CARS2: variants seen among roughly 807,000 people sequenced by gnomAD.
CARS2 encodes cysteinyl-tRNA synthetase 2, mitochondrial.
In CARS2, 52 loss-of-function variants were observed where a neutral mutation model predicts 68.8. That is an observed-to-expected ratio of 0.76 (90% CI 0.61 to 0.95). The LOEUF is 0.95. Ranked by LOEUF, CARS2 falls within the 40% of genes least tolerant of loss-of-function variation. The pLI is 0.00. For missense variants in CARS2, 780 were observed against 754.2 expected, an observed-to-expected ratio of 1.03 and a Z score of -0.40; for synonymous variants, 314 against 303.6, an observed-to-expected ratio of 1.03 and a Z score of -0.36.
Position 110,676,018 on chromosome 13 carries a change from G to A in CARS2, c.785+956C>T, listed in dbSNP as rs1310852097. On this transcript the variant is annotated intron_variant, in intron 7 of 14. Transcript: ENST00000257347. The surrounding 1 kb of genome is among the most constrained non-coding windows in gnomAD (Gnocchi z 4.0). Reference sequence around the variant, plus strand: ...TAAAAATACAAAATTAGCCGGGGTGGTGGCGCATGCCAGTAATCCCAGCTA... The same window carrying A: ...TAAAAATACAAAATTAGCCGGGGTGATGGCGCATGCCAGTAATCCCAGCTA... Among the ~76,000 whole-genome samples the A allele has an allele frequency of 6.6e-6, 1 of 152,272 alleles. No homozygotes were observed. Among genetic ancestry groups the A allele is most frequent in the South Asian group, 2.1e-4 (1 of 4,838 alleles).
At chr13:110,706,864 T>C (rs1294220287), upstream of CARS2, among the ~76,000 whole-genome samples, 1 of 145,004 alleles carries the variant, frequency 6.9e-6, no homozygotes, top group Non-Finnish European at 1.5e-5. Context: ...CAGCACACCA[T>C]CAGCATCCCA....
In CARS2 at chr13:110,687,739, C is replaced by T. The variant is rs775998657; in HGVS notation, c.553G>A (p.Ala185Thr). Residue 185 changes from alanine to threonine, a missense_variant, in exon 5 of 15, where the codon GCT becomes ACT. Transcript: ENST00000257347. ...FIEGIIARGN[A>T]YSTAKGNVYF... ...ACCCTACCTTTTGCCGTTGAATAAG[C>T]GTTCCCACGAGCAATGATTCCTTCA... 1.2e-5 allele frequency: 20 copies of T among 1,606,414 alleles called. No homozygotes were observed. Among genetic ancestry groups the T allele is most frequent in the Non-Finnish European group, 1.6e-5 (19 of 1,175,274 alleles).
At chr13:110,713,362 G>T (rs2064061181) in exon 1 of CARS2, 1 of 1,070,290 alleles carries the variant, frequency 9.3e-7, no homozygotes, top group Non-Finnish European at 1.1e-6. Context: ...TTTCAGCGAA[G>T]CAGGCCGCTC....
At chr13:110,699,022 GA>G (rs56029928) in intron 3 of CARS2, among the ~76,000 whole-genome samples, 119,327 of 149,522 alleles carry the variant, frequency 0.8, 47,789 homozygotes, top group East Asian at 0.89. Flanking sequence ...CAAAAAAAAA[GA>G]AAAAAAAACC....
rs775479641 is a variant in CARS2, at chr13:110,642,348, G to A, written c.1590C>T (p.Arg530=). ...QPLLEACDTL[R]RGLTAHGINI... ...TGATGCCGTGGGCAGTCAGGCCCCG[G>A]CGCAGGGTGTCGCATGCTTCCAGCA... Residue 530 remains arginine, a synonymous_variant, in exon 14 of 15, where the codon CGC becomes CGT. Coordinates refer to ENST00000257347, the MANE Select transcript of CARS2 (RefSeq NM_024537.4). The A allele has an allele frequency of 1.0e-5, 16 of 1,551,790 alleles. No homozygotes were observed. In the African/African-American group the frequency reaches 1.8e-4, roughly 17 times the overall value.
Position 110,642,412 on chromosome 13 carries a change from C to T in CARS2, c.1526G>A (p.Gly509Glu). The change falls in exon 14 of 15, where the codon GGG (glycine) becomes GAG (glutamate). Residue 509 changes from glycine (G) to glutamate (E), a missense_variant. Coordinates refer to ENST00000257347, the MANE Select transcript of CARS2 (RefSeq NM_024537.4). ...QFALAMPEAT[G>E]DARRQQLLER... ...TAGGAGCTGCTGCCGCCGGGCGTCC[C>T]CCGTGGCCTCGGGCATGGCCAGCGC... 1 of 1,591,450 alleles carries T rather than the reference C, an allele frequency of 6.3e-7. No homozygotes were observed. The highest frequency in any genetic ancestry group is 8.6e-7 in the Non-Finnish European group (1 of 1,169,126).
At chr13:110,655,069 TAA>T (rs1199881113) in intron 9 of CARS2, among the ~76,000 whole-genome samples, 2 of 152,096 alleles carry the variant, frequency 1.3e-5, no homozygotes, top group Non-Finnish European at 2.9e-5. Context: ...CACTCGTTGA[TAA>T]AGTCACCAGG....
chr13:110,689,953 G>A (rs1352662923), intron 3 of CARS2, among the ~76,000 whole-genome samples: 1 of 152,238 alleles, frequency 6.6e-6, no homozygotes, highest in Non-Finnish European at 1.5e-5. Context: ...GGGTGGCCGG[G>A]CGCGGTGGCT....
At chr13:110,707,646 GAA>G (rs34177176), upstream of CARS2, 114 of 145,758 alleles carry the variant, frequency 7.8e-4, 1 homozygote, top group Non-Finnish European at 6.5e-4. Flanking sequence ...GACTCCGCCT[GAA>G]AAAAAAAAAA....
intron 12 of CARS2, chr13:110,645,367 G>C (rs974914953): frequency 6.6e-6 from 1 of 152,384 alleles, no homozygotes; most frequent in African/African-American, 2.4e-5. Flanking sequence ...TGTTTCCAGA[G>C]GTGGGAGAGG....
intron 3 of CARS2, among the ~76,000 whole-genome samples, chr13:110,691,493 C>T (rs1032050794): frequency 6.6e-6 from 1 of 152,140 alleles, no homozygotes; most frequent in Non-Finnish European, 1.5e-5. Context: ...TGGAAACAAA[C>T]TTACAAAGCC....
At chr13:110,699,930 C>A (rs1346322525) in intron 3 of CARS2, among the ~76,000 whole-genome samples, 1 of 152,244 alleles carries the variant, frequency 6.6e-6, no homozygotes, top group Admixed American at 6.5e-5. Flanking sequence ...AGGCACCACA[C>A]TCCAGGTGTG....
At chr13:110,644,530 G>A in intron 12 of CARS2, 47 bp from the exon 13 acceptor site, 1 of 1,607,270 alleles carries the variant, frequency 6.2e-7, no homozygotes, top group African/African-American at 1.3e-5. Context: ...AGTCTTGATG[G>A]CAGTGGGCAA....
intron 12 of CARS2, chr13:110,645,685 T>G: frequency 7.0e-5 from 25 of 359,418 alleles, no homozygotes; most frequent in East Asian, 1.5e-4. Flanking sequence ...AGTGGGGACA[T>G]GAGATGTGTC....
At chr13:110,712,980 AG>A (rs772352303) in intron 1 of CARS2, 23 of 1,555,964 alleles carry the variant, frequency 1.5e-5, no homozygotes, top group Non-Finnish European at 2.0e-5. Flanking sequence ...CGGAATGGGT[AG>A]GTCTCCCGCG....
rs780988999 is a variant in CARS2, at chr13:110,651,031, C to T, written c.1054+3G>A. The T allele has an allele frequency of 3.1e-6, 5 of 1,611,170 alleles. No homozygotes were observed. The highest frequency in any genetic ancestry group is 2.2e-5 in the East Asian group (1 of 44,858). On this transcript the variant is annotated splice_donor_region_variant and intron_variant, in intron 10 of 14. Coordinates refer to ENST00000257347, the MANE Select transcript of CARS2 (RefSeq NM_024537.4). ...GAGTCCACTCCACGTGTGCTCGGCT[C>T]ACCTGAGCGGTAGCTGCTCCGCAGG...
chr13:110,667,597 A>G, intron 7 of CARS2, 124 bp from the exon 8 acceptor site: 1 of 776,252 alleles, frequency 1.3e-6, no homozygotes, highest in Non-Finnish European at 1.9e-6. Context: ...GTTTTGCATC[A>G]ATTTGCATGA....
chr13:110,674,317 T>C (rs2062883552), intron 7 of CARS2, among the ~76,000 whole-genome samples: 1 of 151,862 alleles, frequency 6.6e-6, no homozygotes, highest in African/African-American at 2.4e-5. Context: ...CTTCAAACTA[T>C]ACTACAAGGC....
intron 2 of CARS2, among the ~76,000 whole-genome samples, chr13:110,702,895 T>C (rs1329334851): frequency 3.3e-5 from 5 of 152,138 alleles, no homozygotes; most frequent in Admixed American, 6.5e-5. Flanking sequence ...CCCCATTTTC[T>C]CCATCCACTG....
Sources: allele counts gnomAD v4.1 joint callset (sites outside exome capture counted in the v4.1 genomes callset), GRCh38; gene constraint gnomAD v4.1.1; non-coding constraint Gnocchi (gnomAD v3.1); transcripts MANE v1.5; gene names NCBI Gene and HGNC (gene_info 2026-07-23, HGNC 2026-07-21).